Variants in RHCG observed in about 807,000 individuals in gnomAD.
RHCG encodes Rh family C glycoprotein.
RHCG carries 39 observed loss-of-function variants against 55.3 expected under a neutral mutation model. The ratio of observed to expected loss-of-function variants is 0.70; its 90% CI spans 0.55 to 0.92. The LOEUF (loss-of-function observed/expected upper bound fraction) is 0.92, where lower values mean the gene tolerates loss of function less well. RHCG is among the 40% of genes least tolerant of loss of function. RHCG has a pLI of 0.00. For missense variants in RHCG, 635 were observed against 627.9 expected (o/e 1.01, Z -0.12); for synonymous variants, 250 against 246.8 (o/e 1.01, Z -0.12).
rs995999885 is a variant in RHCG at position 89,488,780 on chromosome 15, G to C, written c.185-1795C>G. 2.5e-3 allele frequency among the ~76,000 whole-genome samples: 372 copies of C among 151,798 alleles called. 1 individual carries two copies. Among genetic ancestry groups the C allele is most frequent in the African/African-American group, 8.2e-3 (339 of 41,344 alleles). ...TTGGTGGGGCTGGGAGAATGGGGGG[G>C]GGGGAGTGCTATAATGGTCATTATT... On this transcript the variant is annotated intron_variant, in intron 1 of 10. Transcript: ENST00000268122.
intron 8 of RHCG, 93 bp from the exon 9 acceptor site, chr15:89,476,921 C>T: frequency 6.5e-7 from 1 of 1,537,346 alleles, no homozygotes. Context: ...CTCCTGGGGC[C>T]CTTGGGCTGA....
At chr15:89,495,382 G>C (rs1961547989) in intron 1 of RHCG, among the ~76,000 whole-genome samples, 1 of 152,196 alleles carries the variant, frequency 6.6e-6, no homozygotes, top group African/African-American at 2.4e-5. Context: ...CTGCTGGAGA[G>C]GGGCTTTAGG....
chr15:89,476,042 C>G (rs899490674), intron 9 of RHCG, among the ~76,000 whole-genome samples: 8 of 150,856 alleles, frequency 5.3e-5, no homozygotes, highest in Admixed American at 1.3e-4. Flanking sequence ...ATTCTCTTCT[C>G]CCTTCCCTCC....
At position 89,477,049 on chromosome 15, in the gene RHCG, C is replaced by A. The variant is rs111860764; in HGVS notation, c.1237+33G>T. On this transcript the variant is annotated intron_variant, in intron 8 of 10. Coordinates refer to ENST00000268122, the MANE Select transcript of RHCG (RefSeq NM_016321.3). The surrounding 1 kb of genome is among the most constrained non-coding windows in gnomAD (Gnocchi z 4.5). ...CCACCCAGGGAGCCCCACAGCAGCA[C>A]CCCCCTTCTCTGGCTCAGCCATTCC... 7.4e-5 allele frequency: 120 copies of A among 1,613,214 alleles called. 1 individual carries two copies. The highest frequency in any genetic ancestry group is 6.7e-4 in the African/African-American group (50 of 75,020).
chr15:89,473,305 TGGGGAAGGTGC>T (rs1386174581), intron 9 of RHCG, among the ~76,000 whole-genome samples: 1 of 151,766 alleles, frequency 6.6e-6, no homozygotes, highest in East Asian at 1.9e-4. Flanking sequence ...GAAAATGGGG[TGGGGAAGGTGC>T]AGGGAAGGCC....
intron 1 of RHCG, among the ~76,000 whole-genome samples, chr15:89,496,071 T>C (rs960947582): frequency 1.3e-5 from 2 of 152,190 alleles, no homozygotes; most frequent in African/African-American, 4.8e-5. Flanking sequence ...TCGGATCTTC[T>C]TAGTATACCA....
chr15:89,494,105 C>T (rs990394909), intron 1 of RHCG, among the ~76,000 whole-genome samples: 13 of 152,108 alleles, frequency 8.5e-5, no homozygotes, highest in African/African-American at 3.1e-4. Context: ...CTTTCACAAA[C>T]CCTACTCTTG....
Position 89,486,990 on chromosome 15 carries a change from G to A in RHCG, c.185-5C>T, listed in dbSNP as rs748729757. 1.9e-6 allele frequency: 3 copies of A among 1,585,294 alleles called. No individual in the cohort carries two copies. In the South Asian group the frequency reaches 3.4e-5, roughly 18 times the overall value. On this transcript the variant is annotated splice_region_variant and splice_polypyrimidine_tract_variant and intron_variant, in intron 1 of 10. Transcript: ENST00000268122. ...TCACGTGCACGTCCTGGAAGCCTGCGGGGACAGTGCAGCCCGGGACTCGGT... is the reference window on the plus strand; with the variant it reads ...TCACGTGCACGTCCTGGAAGCCTGCAGGGACAGTGCAGCCCGGGACTCGGT...
chr15:89,489,805 C>G (rs1961440944), intron 1 of RHCG, among the ~76,000 whole-genome samples: 1 of 152,300 alleles, frequency 6.6e-6, no homozygotes, highest in South Asian at 2.1e-4. Flanking sequence ...TAGGTTCTCC[C>G]CCTATGGCAC....
chr15:89,479,779 G>T, intron 4 of RHCG: 1 of 455,770 alleles, frequency 2.2e-6, no homozygotes, highest in South Asian at 2.8e-5. Flanking sequence ...TTTCTCTACT[G>T]TAGGGAGATC....
intron 1 of RHCG, among the ~76,000 whole-genome samples, chr15:89,491,691 C>T (rs531028435): frequency 2.0e-5 from 3 of 152,108 alleles, no homozygotes; most frequent in South Asian, 4.1e-4. Flanking sequence ...CACTTGAACC[C>T]GGGAGGCAGA....
chr15:89,481,614 T>C (rs1164196094), intron 3 of RHCG, among the ~76,000 whole-genome samples: 1 of 151,866 alleles, frequency 6.6e-6, no homozygotes, highest in Non-Finnish European at 1.5e-5. Flanking sequence ...CACAGGAAGA[T>C]GGGGAGAGAG....
At chr15:89,495,663 C>A (rs1363039189) in intron 1 of RHCG, among the ~76,000 whole-genome samples, 2 of 152,208 alleles carry the variant, frequency 1.3e-5, no homozygotes, top group Non-Finnish European at 2.9e-5. Context: ...TCTGCCAGAG[C>A]TTTACATGCA....
chr15:89,495,573 C>A (rs761316270), intron 1 of RHCG, among the ~76,000 whole-genome samples: 8 of 152,208 alleles, frequency 5.3e-5, no homozygotes, highest in Non-Finnish European at 1.2e-4. Flanking sequence ...CTAGCTCTCC[C>A]TGCTCCTGAG....
intron 10 of RHCG, among the ~76,000 whole-genome samples, chr15:89,472,066 TAAC>T (rs553113286): frequency 1.2e-3 from 187 of 152,232 alleles, no homozygotes; most frequent in African/African-American, 4.3e-3. Flanking sequence ...GGAAGTTAAA[TAAC>T]AATAATAAAA....
intron 9 of RHCG, among the ~76,000 whole-genome samples, chr15:89,475,116 GCCTTCATTCATTCCTGCCTGCCTT>G (rs1479796211): frequency 4.1e-5 from 4 of 97,432 alleles, no homozygotes; most frequent in East Asian, 6.6e-4. Flanking sequence ...CTGCCTGCCT[GCCTTCATTCATTCCTGCCTGCCTT>G]CCTTCATTCC....
intron 1 of RHCG, among the ~76,000 whole-genome samples, chr15:89,488,782 G>C (rs1049871312): frequency 5.9e-5 from 9 of 151,658 alleles, no homozygotes; most frequent in Non-Finnish European, 1.3e-4. Flanking sequence ...ATGGGGGGGG[G>C]GGAGTGCTAT....
chr15:89,473,630 AAAT>A (rs1013155819), intron 9 of RHCG, among the ~76,000 whole-genome samples: 47 of 152,346 alleles, frequency 3.1e-4, no homozygotes, highest in African/African-American at 9.1e-4. Context: ...ATAACAATAA[AAAT>A]AATAAAAACA....
At chr15:89,493,517 T>C (rs1268145929) in intron 1 of RHCG, among the ~76,000 whole-genome samples, 1 of 152,086 alleles carries the variant, frequency 6.6e-6, no homozygotes, top group African/African-American at 2.4e-5. Flanking sequence ...GCTTCACTCA[T>C]CCCCTGAGTA....
Sources: allele counts gnomAD v4.1 joint callset (sites outside exome capture counted in the v4.1 genomes callset), GRCh38; gene constraint gnomAD v4.1.1; non-coding constraint Gnocchi (gnomAD v3.1); transcripts MANE v1.5; gene names NCBI Gene and HGNC (gene_info 2026-07-23, HGNC 2026-07-21).